Variants in FRMPD3 observed in about 807,000 individuals in gnomAD.
FRMPD3 encodes the protein FERM and PDZ domain containing 3.
In FRMPD3, 42 loss-of-function variants were observed where a neutral mutation model predicts 97.9. The ratio of observed to expected loss-of-function variants is 0.43; its 90% CI spans 0.34 to 0.55. The LOEUF (loss-of-function observed/expected upper bound fraction) is 0.55, where lower values mean the gene tolerates loss of function less well. Among genes scored for constraint, FRMPD3 ranks in the 20% least tolerant of loss-of-function variants. The pLI, the probability that FRMPD3 is intolerant of heterozygous loss-of-function variation, is 0.03. For missense variants in FRMPD3, 1,303 were observed against 1,457.7 expected (o/e 0.89, Z 1.73); for synonymous variants, 577 against 581.1 (o/e 0.99, Z 0.10).
At chrX:107,473,709 C>G (rs1878663883) in intron 1 of FRMPD3, among the ~76,000 whole-genome samples, 1 of 112,345 alleles carries the variant, frequency 8.9e-6, no homozygotes, top group Non-Finnish European at 1.9e-5. Context: ...CCCAAATGGC[C>G]AGTTTCCTTT....
chrX:107,451,267 C>T (rs1931284456), intron 1 of FRMPD3, among the ~76,000 whole-genome samples: 1 of 112,373 alleles, frequency 8.9e-6, no homozygotes, highest in Non-Finnish European at 1.9e-5. Context: ...GGACTCCTGC[C>T]TTCGGAGGAA....
chrX:107,506,999 G>T (rs1159491967), intron 1 of FRMPD3, among the ~76,000 whole-genome samples: 1 of 111,117 alleles, frequency 9.0e-6, no homozygotes, highest in Non-Finnish European at 1.9e-5. Context: ...CGGCCCGGAG[G>T]GGGGCCCGAC....
At chrX:107,460,188 G>A (rs1931445213) in intron 1 of FRMPD3, among the ~76,000 whole-genome samples, 1 of 111,303 alleles carries the variant, frequency 9.0e-6, no homozygotes, top group African/African-American at 3.3e-5. Context: ...AAAGAAGAGG[G>A]CATGATGGCA....
chrX:107,593,662 C>T (rs999324980), intron 13 of FRMPD3, among the ~76,000 whole-genome samples: 3 of 111,739 alleles, frequency 2.7e-5, no homozygotes, highest in Non-Finnish European at 5.6e-5. Flanking sequence ...GTCCTTTCCC[C>T]ACTTTATGTT....
In FRMPD3 at chrX:107,479,865, C is replaced by CACAG. The variant is rs548134899; in HGVS notation, c.-8+29861_-8+29862insCAGA. Among the ~76,000 whole-genome samples the CACAG allele has an allele frequency of 4.1e-4, 24 of 57,881 alleles. No individual in the cohort carries two copies. The South Asian group carries it at 0.015, about 37-fold the overall frequency. 50.3% of individuals were successfully genotyped at this position (57,881 alleles called of 115,157 possible). ...ACACACACACACACACACACACACA[C>CACAG]AGAGAGAGAGAGAGGGTGCAAAACT... On this transcript the variant is annotated intron_variant, in intron 1 of 14. Coordinates refer to ENST00000683843, the MANE Select transcript of FRMPD3 (RefSeq NM_001388459.1).
chrX:107,480,900 GAAAGAAAGAAA>G (rs1569410742), intron 1 of FRMPD3, among the ~76,000 whole-genome samples: 1,001 of 51,178 alleles, frequency 0.02, 15 homozygotes, highest in Non-Finnish European at 0.023. Flanking sequence ...AGGAAGGAAA[GAAAGAAAGAAA>G]GAAAGAAAGA....
intron 1 of FRMPD3, among the ~76,000 whole-genome samples, chrX:107,506,047 C>T (rs1922020835): frequency 8.9e-6 from 1 of 112,328 alleles, no homozygotes. Context: ...TGCACCGTCA[C>T]CCCCTAGACA....
chrX:107,517,945 C>A (rs1602769070), intron 1 of FRMPD3, among the ~76,000 whole-genome samples: 1 of 109,423 alleles, frequency 9.1e-6, no homozygotes, highest in East Asian at 2.9e-4. Flanking sequence ...TGATTTTTCT[C>A]CAGCACCCTT....
chrX:107,486,247 C>G (rs1356998109), intron 1 of FRMPD3, among the ~76,000 whole-genome samples: 3 of 112,073 alleles, frequency 2.7e-5, no homozygotes, highest in Non-Finnish European at 5.6e-5. Flanking sequence ...TCAACTGTTC[C>G]AGATATTTCT....
At position 107,560,788 on chromosome X, in the gene FRMPD3, A is replaced by G. The variant is rs752325694; in HGVS notation, c.961A>G (p.Asn321Asp). ...CCTCCTGCAGGTCATCAAAGAGAAG[A>G]ACCTCCGGAAATCTCTCTCTCAGCA... Reference protein sequence around the residue: ...PSLLQVIKEKNLRKSLSQQLK... With the variant: ...PSLLQVIKEKDLRKSLSQQLK... Residue 321 changes from asparagine to aspartate, a missense_variant, in exon 10 of 15, where the codon AAC becomes GAC. Coordinates refer to ENST00000683843, the MANE Select transcript of FRMPD3 (RefSeq NM_001388459.1). The G allele has an allele frequency of 7.3e-5, 86 of 1,181,643 alleles. No individual in the cohort carries two copies. The South Asian group carries it at 1.5e-3, about 21-fold the overall frequency.
chrX:107,554,122 G>C (rs1039204723), intron 7 of FRMPD3, among the ~76,000 whole-genome samples: 2 of 111,509 alleles, frequency 1.8e-5, no homozygotes, highest in East Asian at 5.6e-4. Context: ...TTGGGCTTTA[G>C]ACCCAATGGT....
rs1923067730 is a variant in FRMPD3, at chrX:107,533,452, A to G, written c.252-53A>G. On this transcript the variant is annotated intron_variant, in intron 3 of 14. Coordinates refer to ENST00000683843, the MANE Select transcript of FRMPD3 (RefSeq NM_001388459.1). ...ATTCTGGTGTTGCTTCTTGTACTAG[A>G]TGAATACCTAGTGCATGATACACTA... 5 of 1,042,534 alleles carry G rather than the reference A, an allele frequency of 4.8e-6. No homozygotes were observed. In the South Asian group the frequency reaches 5.9e-5, roughly 12 times the overall value. The allele number at this position is 1,042,534 out of a possible 1,213,427, so 85.9% of individuals were successfully genotyped here. A position where few individuals can be genotyped will look rare whatever the true frequency, so the allele number is the denominator to read the frequency against.
At chrX:107,480,934 AAG>A (rs1160912133) in intron 1 of FRMPD3, among the ~76,000 whole-genome samples, 6 of 109,640 alleles carry the variant, frequency 5.5e-5, no homozygotes, top group Non-Finnish European at 7.6e-5. Flanking sequence ...GAAAGAAAGA[AAG>A]AAAGAAAGAA....
chrX:107,584,230 A>G (rs1479980850), intron 13 of FRMPD3, among the ~76,000 whole-genome samples: 1 of 111,303 alleles, frequency 9.0e-6, no homozygotes, highest in Non-Finnish European at 1.9e-5. Context: ...TTGGCCGCGT[A>G]AATGTCTTCT....
At chrX:107,508,064 C>G (rs956143442) in intron 1 of FRMPD3, among the ~76,000 whole-genome samples, 2 of 112,031 alleles carry the variant, frequency 1.8e-5, no homozygotes, top group African/African-American at 6.5e-5. Flanking sequence ...CCCCATTTTA[C>G]GGATGAGGAA....
intron 13 of FRMPD3, among the ~76,000 whole-genome samples, chrX:107,593,688 G>A (rs759111811): frequency 3.6e-5 from 4 of 111,410 alleles, no homozygotes; most frequent in Non-Finnish European, 7.5e-5. Context: ...TTGCTCTGTC[G>A]AAGATCAGTT....
At chrX:107,476,032 T>C (rs963769065) in intron 1 of FRMPD3, among the ~76,000 whole-genome samples, 6 of 111,798 alleles carry the variant, frequency 5.4e-5, no homozygotes, top group Non-Finnish European at 7.5e-5. Context: ...TACAGGTGCC[T>C]GCCACCAGGC....
chrX:107,469,420 C>T lies in FRMPD3; in HGVS notation c.-8+19415C>T, dbSNP rs193237156. Among the ~76,000 whole-genome samples, 3 of 111,854 alleles carry T rather than the reference C, an allele frequency of 2.7e-5. No individual in the cohort carries two copies. In the East Asian group the frequency reaches 8.4e-4, roughly 31 times the overall value. ...GAGAACAGCATGAGAAAGACCTGCC[C>T]CCATGATTCATTCATCTCCCACTGG... On this transcript the variant is annotated intron_variant, in intron 1 of 14. Coordinates refer to ENST00000683843, the MANE Select transcript of FRMPD3 (RefSeq NM_001388459.1).
At chrX:107,594,887 A>G (rs776839126) in intron 13 of FRMPD3, among the ~76,000 whole-genome samples, 2 of 112,396 alleles carry the variant, frequency 1.8e-5, no homozygotes, top group East Asian at 5.6e-4. Context: ...ATCTCAAAAA[A>G]TAAATTAATA....
Sources: gnomAD v4.1 joint callset for allele counts (sites outside exome capture counted in the v4.1 genomes callset) on GRCh38, gnomAD v4.1.1 for gene constraint, MANE v1.5 for transcripts, NCBI Gene and HGNC (gene_info 2026-07-23, HGNC 2026-07-21) for gene names.